Variants in FMNL2 observed in about 807,000 individuals in gnomAD.
The protein encoded by FMNL2 is formin-like protein 2.
Under a neutral mutation model 130.2 loss-of-function variants are expected in FMNL2, and 51 were observed. That is an observed-to-expected ratio of 0.39 (90% CI 0.31 to 0.49). The LOEUF is 0.49. FMNL2 is among the 20% of genes least tolerant of loss of function. The pLI is 0.85. For missense variants in FMNL2, 977 were observed against 1,316.2 expected, an observed-to-expected ratio of 0.74 and a Z score of 3.99; for synonymous variants, 465 against 467.1, an observed-to-expected ratio of 1.00 and a Z score of 0.06.
chr2:152,440,049 T>C (rs1424153901), intron 1 of FMNL2, among the ~76,000 whole-genome samples: 2 of 151,922 alleles, frequency 1.3e-5, no homozygotes. Context: ...AAATGAGAAG[T>C]GGACGTGAAA....
chr2:152,353,839 A>G (rs1682641156), intron 1 of FMNL2, among the ~76,000 whole-genome samples: 1 of 152,216 alleles, frequency 6.6e-6, no homozygotes, highest in Admixed American at 6.5e-5. Flanking sequence ...GGATTCTAGT[A>G]TATTTTACAG....
At chr2:152,461,551 C>T (rs1689252358) in intron 1 of FMNL2, among the ~76,000 whole-genome samples, 1 of 152,106 alleles carries the variant, frequency 6.6e-6, no homozygotes, top group South Asian at 2.1e-4. Flanking sequence ...CTGAGTCAAA[C>T]ATGTTTTAAA....
At chr2:152,338,943 T>A (rs908160361) in intron 1 of FMNL2, among the ~76,000 whole-genome samples, 3 of 152,218 alleles carry the variant, frequency 2.0e-5, no homozygotes, top group African/African-American at 7.2e-5. Flanking sequence ...TTTCATAAAT[T>A]ATAAAGTCAG....
intron 9 of FMNL2, among the ~76,000 whole-genome samples, chr2:152,594,388 G>A (rs1697642471): frequency 6.6e-6 from 1 of 152,232 alleles, no homozygotes; most frequent in African/African-American, 2.4e-5. Flanking sequence ...TTTGAGGCCA[G>A]TTGGCAGGAG....
intron 1 of FMNL2, among the ~76,000 whole-genome samples, chr2:152,413,028 C>G (rs1420213713): frequency 6.6e-6 from 1 of 152,042 alleles, no homozygotes; most frequent in Non-Finnish European, 1.5e-5. Context: ...AAAACTATGA[C>G]AAAACTATTT....
At chr2:152,493,523 G>A (rs897754913) in intron 1 of FMNL2, among the ~76,000 whole-genome samples, 3 of 152,206 alleles carry the variant, frequency 2.0e-5, no homozygotes. Flanking sequence ...CCTAGTGGGA[G>A]GTGATTTGGG....
chr2:152,574,971 G>A (rs1008391671), intron 6 of FMNL2, among the ~76,000 whole-genome samples, 165 bp from the exon 7 acceptor site: 1 of 152,132 alleles, frequency 6.6e-6, no homozygotes, highest in Non-Finnish European at 1.5e-5. Context: ...ACATTATAAA[G>A]CTGTATTTTA....
At chr2:152,355,195 C>G (rs1285700998) in intron 1 of FMNL2, among the ~76,000 whole-genome samples, 2 of 152,146 alleles carry the variant, frequency 1.3e-5, no homozygotes, top group Non-Finnish European at 2.9e-5. Flanking sequence ...AGACGTTACT[C>G]TAATGCTCAT....
At chr2:152,485,024 T>C (rs982774151) in intron 1 of FMNL2, among the ~76,000 whole-genome samples, 5 of 152,190 alleles carry the variant, frequency 3.3e-5, no homozygotes, top group Admixed American at 3.3e-4. Context: ...TGATGCTTGT[T>C]ATTTTATACT....
chr2:152,574,151 A>G (rs1391125349), intron 6 of FMNL2, among the ~76,000 whole-genome samples: 1 of 152,222 alleles, frequency 6.6e-6, no homozygotes, highest in Non-Finnish European at 1.5e-5. Context: ...AAGAAACACA[A>G]ATAAGGCTGG....
At chr2:152,476,022 C>T (rs2105205796) in intron 1 of FMNL2, among the ~76,000 whole-genome samples, 1 of 152,282 alleles carries the variant, frequency 6.6e-6, no homozygotes, top group East Asian at 1.9e-4. Context: ...GTCCAGGTAT[C>T]CCTGAGTAGG....
chr2:152,340,785 G>A (rs1463386581), intron 1 of FMNL2, among the ~76,000 whole-genome samples: 2 of 152,002 alleles, frequency 1.3e-5, no homozygotes, highest in African/African-American at 4.8e-5. Context: ...TCTGCTACCC[G>A]GGTTCAAGTG....
intron 9 of FMNL2, among the ~76,000 whole-genome samples, chr2:152,593,860 A>AGAGTGAGAGAGAGT (rs1365489869): frequency 1.3e-4 from 15 of 113,292 alleles, no homozygotes; most frequent in Admixed American, 1.3e-3. Flanking sequence ...AGAGAGAGAG[A>AGAGTGAGAGAGAGT]GTGTGTGTGT....
At chr2:152,624,034 TCCTTCCCTTC>T (rs1559019378) in intron 15 of FMNL2, among the ~76,000 whole-genome samples, 2 of 79,840 alleles carry the variant, frequency 2.5e-5, no homozygotes, top group African/African-American at 1.1e-4. Flanking sequence ...TCCATACAAT[TCCTTCCCTTC>T]CCTCCCCTCC....
intron 1 of FMNL2, among the ~76,000 whole-genome samples, chr2:152,356,484 G>T (rs996895981): frequency 6.6e-6 from 1 of 152,194 alleles, no homozygotes; most frequent in Non-Finnish European, 1.5e-5. Flanking sequence ...ATAAATTACA[G>T]TTGATCCTCA....
chr2:152,496,451 G>A (rs1373718736), intron 1 of FMNL2, among the ~76,000 whole-genome samples: 1 of 152,206 alleles, frequency 6.6e-6, no homozygotes, highest in African/African-American at 2.4e-5. Context: ...CCTGCCAGAT[G>A]TCTCCACAGT....
At position 152,585,667 on chromosome 2, in the gene FMNL2, T is replaced by C. The variant is rs61747966; in HGVS notation, c.876+4618T>C. 6.1e-3 allele frequency among the ~76,000 whole-genome samples: 933 copies of C among 152,206 alleles called. 13 individuals carry two copies. The highest frequency in any genetic ancestry group is 0.021 in the African/African-American group (887 of 41,524). On this transcript the variant is annotated intron_variant, in intron 9 of 25. Transcript: ENST00000288670. ...GGGGTTCTGGTCATGCTTTTTCTTC[T>C]CTTCCAAATGACATGGACCATAGCT... is the stretch of plus-strand genomic sequence containing the variant.
intron 2 of FMNL2, among the ~76,000 whole-genome samples, chr2:152,524,932 T>C (rs1473029343): frequency 6.6e-6 from 1 of 152,160 alleles, no homozygotes; most frequent in Admixed American, 6.5e-5. Flanking sequence ...ACTTTTTCTA[T>C]TGAAAAAGTT....
chr2:152,377,573 A>T (rs1452985866), intron 1 of FMNL2, among the ~76,000 whole-genome samples: 3 of 152,256 alleles, frequency 2.0e-5, no homozygotes, highest in Non-Finnish European at 4.4e-5. Flanking sequence ...CAAGAGCTAC[A>T]TGTGGCTAGT....
Sources: allele counts gnomAD v4.1 joint callset (sites outside exome capture counted in the v4.1 genomes callset), GRCh38; gene constraint gnomAD v4.1.1; transcripts MANE v1.5; gene names NCBI Gene and HGNC (gene_info 2026-07-23, HGNC 2026-07-21).